LTBP1: variants seen among roughly 807,000 people sequenced by gnomAD.
LTBP1 encodes the protein latent-transforming growth factor beta-binding protein 1.
A neutral mutation model predicts 207.6 loss-of-function variants in LTBP1; 129 were observed. The observed-to-expected ratio is 0.62, with a 90% CI of 0.54 to 0.72. The LOEUF (loss-of-function observed/expected upper bound fraction) is 0.72, where lower values mean the gene tolerates loss of function less well. LTBP1 is among the 30% of genes least tolerant of loss of function. The probability of loss-of-function intolerance (pLI) is 0.00; values close to 1 mark genes in which losing one functional copy is unlikely to be tolerated. For missense variants in LTBP1, 2,281 were observed against 2,217.2 expected (o/e 1.03, Z -0.58); for synonymous variants, 963 against 833.7 (o/e 1.16, Z -2.67).
chr2:33,245,549 A>G (rs1181925359), intron 10 of LTBP1, among the ~76,000 whole-genome samples: 1 of 152,230 alleles, frequency 6.6e-6, no homozygotes, highest in Non-Finnish European at 1.5e-5. Flanking sequence ...TGAAGCAGAC[A>G]GACACCTAAT....
At chr2:33,240,039 T>C (rs2092246179) in intron 9 of LTBP1, among the ~76,000 whole-genome samples, 1 of 152,240 alleles carries the variant, frequency 6.6e-6, no homozygotes. Flanking sequence ...TTTATTTGAT[T>C]AAAGAAAGAA....
chr2:33,196,317 A>G (rs1302315884), intron 7 of LTBP1, among the ~76,000 whole-genome samples: 3 of 152,144 alleles, frequency 2.0e-5, no homozygotes, highest in Admixed American at 2.0e-4. Flanking sequence ...AAGAAGGGGG[A>G]AAATATTAAA....
intron 24 of LTBP1, among the ~76,000 whole-genome samples, chr2:33,328,135 C>CAATAAATAAATAAATA (rs535099037): frequency 0.14 from 19,051 of 133,898 alleles, 1,634 homozygotes; most frequent in Non-Finnish European, 0.17. Flanking sequence ...GACTCTGTCT[C>CAATAAATAAATAAATA]AATAAATAAA....
intron 5 of LTBP1, among the ~76,000 whole-genome samples, chr2:33,146,079 A>G (rs1480338412): frequency 6.6e-6 from 1 of 152,236 alleles, no homozygotes; most frequent in East Asian, 1.9e-4. Flanking sequence ...AACTCTTAAA[A>G]GCACTAAAAG....
chr2:33,177,916 A>G (rs2086221472), intron 5 of LTBP1, among the ~76,000 whole-genome samples: 1 of 152,202 alleles, frequency 6.6e-6, no homozygotes, highest in South Asian at 2.1e-4. Flanking sequence ...TAGATAATGT[A>G]ATGATCAAAT....
intron 26 of LTBP1, among the ~76,000 whole-genome samples, chr2:33,355,352 G>A (rs1400395256): frequency 6.6e-6 from 1 of 151,954 alleles, no homozygotes; most frequent in Non-Finnish European, 1.5e-5. Flanking sequence ...AGATGCTCAA[G>A]TCCCTGATAC....
At chr2:33,377,543 T>C (rs1363715732) in intron 31 of LTBP1, among the ~76,000 whole-genome samples, 4 of 152,178 alleles carry the variant, frequency 2.6e-5, no homozygotes, top group Non-Finnish European at 5.9e-5. Context: ...CTCTCTGTTA[T>C]AAAAAATACT....
At chr2:33,220,342 T>C (rs991964517) in intron 8 of LTBP1, among the ~76,000 whole-genome samples, 4 of 152,240 alleles carry the variant, frequency 2.6e-5, no homozygotes, top group African/African-American at 9.6e-5. Context: ...ACCTCTTTTT[T>C]TTCACTCAAA....
chr2:33,034,986 A>C (rs1007271905), intron 3 of LTBP1, among the ~76,000 whole-genome samples: 1 of 152,124 alleles, frequency 6.6e-6, no homozygotes, highest in Non-Finnish European at 1.5e-5. Flanking sequence ...GGGGGGTTTA[A>C]CTCCACTGGA....
At chr2:33,182,754 A>T in intron 5 of LTBP1, among the ~76,000 whole-genome samples, 1 of 143,972 alleles carries the variant, frequency 6.9e-6, no homozygotes, top group Non-Finnish European at 1.5e-5. Context: ...ATATGTATGT[A>T]TGTGTACACA....
At chr2:33,177,218 C>T (rs571422538) in intron 5 of LTBP1, among the ~76,000 whole-genome samples, 35 of 152,224 alleles carry the variant, frequency 2.3e-4, no homozygotes, top group African/African-American at 7.7e-4. Context: ...TTTTCTTGTT[C>T]GCTATATCTC....
chr2:33,218,465 C>T (rs1431257660), intron 8 of LTBP1, among the ~76,000 whole-genome samples: 3 of 152,188 alleles, frequency 2.0e-5, no homozygotes, highest in Non-Finnish European at 4.4e-5. Context: ...GGGGCAACCT[C>T]GGCTCACTGC....
At chr2:33,012,078 G>A (rs1016995665) in intron 2 of LTBP1, among the ~76,000 whole-genome samples, 1 of 152,082 alleles carries the variant, frequency 6.6e-6, no homozygotes, top group Non-Finnish European at 1.5e-5. Context: ...TTCCCTGTGG[G>A]GTCTCCCTGG....
In LTBP1 at chr2:33,365,519, A is replaced by G. The variant is rs1225188497; in HGVS notation, c.4711+16A>G. ...AAGGATTCAGGTGAGCCCATATCCA[A>G]TTCCTTCTGCAGGAGGCCTTTGGGG... On this transcript the variant is annotated intron_variant, in intron 31 of 33. Transcript: ENST00000404816. The G allele has an allele frequency of 5.6e-6, 9 of 1,606,862 alleles. No homozygotes were observed. The highest frequency in any genetic ancestry group is 4.0e-5 in the African/African-American group (3 of 74,660).
Position 33,188,682 on chromosome 2 carries a change from C to G in LTBP1, c.1532C>G (p.Thr511Arg). ...SRIDGPTGQK[T>R]KEAQPGQSQV... ...ATTGATGGCCCAACAGGCCAGAAGA[C>G]AAAAGAAGCTCAACCAGGCCAATCC... Residue 511 changes from threonine (T) to arginine (R), a missense_variant, in exon 7 of 34, where the codon ACA becomes AGA. By Grantham distance (71) the Thr-to-Arg change is moderately conservative. Transcript: ENST00000404816. The G allele has an allele frequency of 6.2e-7, 1 of 1,614,154 alleles. No individual in the cohort carries two copies. Among genetic ancestry groups the G allele is most frequent in the South Asian group, 1.1e-5 (1 of 91,090 alleles).
intron 9 of LTBP1, among the ~76,000 whole-genome samples, chr2:33,233,233 C>T (rs576724611): frequency 2.8e-4 from 42 of 151,990 alleles, no homozygotes; most frequent in African/African-American, 7.5e-4. Context: ...TTCTCTTTTT[C>T]GCTGCATTTT....
chr2:33,009,879 G>A (rs558950807), intron 2 of LTBP1, among the ~76,000 whole-genome samples: 20 of 152,328 alleles, frequency 1.3e-4, no homozygotes, highest in African/African-American at 4.6e-4. Flanking sequence ...TGGAGGCATC[G>A]ATGAGACCGT....
At position 33,243,682 on chromosome 2, in the gene LTBP1, C is replaced by G; in HGVS notation, c.1897C>G (p.Gln633Glu). 1 of 1,613,774 alleles carries G rather than the reference C, an allele frequency of 6.2e-7. No individual in the cohort carries two copies. The change falls in exon 10 of 34, where the codon CAA (glutamine) becomes GAA (glutamate). Residue 633 changes from glutamine to glutamate, a missense_variant. Transcript: ENST00000404816. ...FCQDINECQL[Q>E]GVCPNGECLN... ...TGCAGATATTAATGAATGTCAGCTACAAGGTGTATGCCCTAATGGTGAGTG... is the reference window on the plus strand; with the variant it reads ...TGCAGATATTAATGAATGTCAGCTAGAAGGTGTATGCCCTAATGGTGAGTG...
rs1050943204 is a variant in LTBP1, at chr2:32,977,286, G to A, written c.565+28341G>A. Among the ~76,000 whole-genome samples the A allele has an allele frequency of 1.4e-4, 21 of 152,270 alleles. No homozygotes were observed. In the East Asian group the frequency reaches 2.1e-3, roughly 15 times the overall value. On this transcript the variant is annotated intron_variant, in intron 2 of 33. Coordinates refer to ENST00000404816, the MANE Select transcript of LTBP1 (RefSeq NM_206943.4). ...TGCTGGGTTGGAAGCTCTAGCAGGCGTGGCCCACCTGGCTATGAGCCGACT... is the reference window on the plus strand; with the variant it reads ...TGCTGGGTTGGAAGCTCTAGCAGGCATGGCCCACCTGGCTATGAGCCGACT...
Sources: gnomAD v4.1 joint callset for allele counts (sites outside exome capture counted in the v4.1 genomes callset) on GRCh38, gnomAD v4.1.1 for gene constraint, MANE v1.5 for transcripts, NCBI Gene and HGNC (gene_info 2026-07-23, HGNC 2026-07-21) for gene names.